The following CBLB variants were observed in gnomAD, a reference collection of about 807,000 sequenced individuals.
CBLB encodes Cbl proto-oncogene B, also known as E3 ubiquitin-protein ligase CBL-B.
CBLB carries 31 observed loss-of-function variants against 104.9 expected under a neutral mutation model. That is an observed-to-expected ratio of 0.30 (90% CI 0.22 to 0.40). CBLB has a LOEUF of 0.40. CBLB is among the 10% of genes least tolerant of loss of function. The pLI is 1.00. For synonymous variants in CBLB, 440 were observed against 422.6 expected (o/e 1.04, Z -0.51); for missense variants, 1,062 against 1,214.6 (o/e 0.87, Z 1.87).
At chr3:105,752,474 A>G (rs1691741805) in intron 4 of CBLB, among the ~76,000 whole-genome samples, 1 of 152,204 alleles carries the variant, frequency 6.6e-6, no homozygotes, top group Non-Finnish European at 1.5e-5. Context: ...CTAATTCGGC[A>G]GAAGAAAGAA....
chr3:105,820,341 A>T (rs1186792684), intron 3 of CBLB, among the ~76,000 whole-genome samples: 2 of 152,164 alleles, frequency 1.3e-5, no homozygotes, highest in Non-Finnish European at 2.9e-5. Flanking sequence ...AGTTCCTGAT[A>T]TCGGTATCGG....
intron 3 of CBLB, among the ~76,000 whole-genome samples, chr3:105,813,131 A>G (rs2084526435): frequency 6.6e-6 from 1 of 152,190 alleles, no homozygotes; most frequent in South Asian, 2.1e-4. Flanking sequence ...CAAAAGAAGG[A>G]AACAATGGCA....
intron 4 of CBLB, among the ~76,000 whole-genome samples, chr3:105,775,519 C>G (rs2079356036): frequency 6.6e-6 from 1 of 152,124 alleles, no homozygotes; most frequent in Non-Finnish European, 1.5e-5. Flanking sequence ...AAACAATAAT[C>G]TATGTAAGCA....
rs1287756928 is a variant in CBLB at position 105,775,591 on chromosome 3, A to ATG, written c.566+804_566+805insCA. Among the ~76,000 whole-genome samples, 5 of 152,318 alleles carry ATG rather than the reference A, an allele frequency of 3.3e-5. No individual in the cohort carries two copies. The East Asian group carries it at 9.6e-4, about 29-fold the overall frequency. Reference sequence around the variant, plus strand: ...GCCTACATTCTAGGACATTCTGAGGACGCGCTCTCATTAAAGGTAATTCTT... The same window carrying ATG: ...GCCTACATTCTAGGACATTCTGAGGATGCGCGCTCTCATTAAAGGTAATTCTT... On this transcript the variant is annotated intron_variant, in intron 4 of 18. Transcript: ENST00000394030.
Position 105,665,886 on chromosome 3 carries a change from G to A in CBLB, c.2689+4347C>T, listed in dbSNP as rs575783999. On this transcript the variant is annotated intron_variant, in intron 18 of 18. Transcript: ENST00000394030. Reference sequence around the variant, plus strand: ...TCTACTAAAAATGTAAAAATTAGCTGGGCATGGTGGTGGGCGCCTGTAGTC... The same window carrying A: ...TCTACTAAAAATGTAAAAATTAGCTAGGCATGGTGGTGGGCGCCTGTAGTC... Among the ~76,000 whole-genome samples, 8 of 151,598 alleles carry A rather than the reference G, an allele frequency of 5.3e-5. No individual in the cohort carries two copies. In the South Asian group the frequency reaches 1.7e-3, roughly 32 times the overall value.
At chr3:105,748,542 G>A (rs901597676) in intron 5 of CBLB, among the ~76,000 whole-genome samples, 2 of 152,142 alleles carry the variant, frequency 1.3e-5, no homozygotes, top group Admixed American at 1.3e-4. Flanking sequence ...CAGCCCCAGG[G>A]AGAAGGAAGG....
chr3:105,865,843 A>C (rs1458071336), intron 2 of CBLB, among the ~76,000 whole-genome samples: 3 of 152,194 alleles, frequency 2.0e-5, no homozygotes, highest in Non-Finnish European at 4.4e-5. Flanking sequence ...GTAGCAGATA[A>C]GTTAGAGAAA....
Position 105,727,513 on chromosome 3 carries a change from C to T in CBLB, c.1203+6496G>A, listed in dbSNP as rs187780976. ...TCTGTAGGTTGTCTGTTCACTCTGACGACAGTTTCTTTTGCTGTACAGAAG... is the reference window on the plus strand; with the variant it reads ...TCTGTAGGTTGTCTGTTCACTCTGATGACAGTTTCTTTTGCTGTACAGAAG... On this transcript the variant is annotated intron_variant, in intron 9 of 18. Transcript: ENST00000394030. Among the ~76,000 whole-genome samples the T allele has an allele frequency of 2.3e-3, 344 of 152,116 alleles. 2 individuals are homozygous for T. The highest frequency in any genetic ancestry group is 2.8e-3 in the African/African-American group (116 of 41,536).
At position 105,662,802 on chromosome 3, in the gene CBLB, T is replaced by A. The variant is rs542657652; in HGVS notation, c.2690-3573A>T. ...AAAGAAAGATTTGAGAAGCCCTGGTTTAGGAGTAAATTTTGATTCAGCTTT... is the reference window on the plus strand; with the variant it reads ...AAAGAAAGATTTGAGAAGCCCTGGTATAGGAGTAAATTTTGATTCAGCTTT... On this transcript the variant is annotated intron_variant, in intron 18 of 18. Transcript: ENST00000394030. Among the ~76,000 whole-genome samples the A allele has an allele frequency of 6.6e-5, 10 of 152,328 alleles. No homozygotes were observed. The South Asian group carries it at 1.7e-3, about 25-fold the overall frequency.
chr3:105,784,980 G>T (rs565198144), intron 3 of CBLB, among the ~76,000 whole-genome samples: 2 of 152,088 alleles, frequency 1.3e-5, no homozygotes, highest in Non-Finnish European at 2.9e-5. Context: ...CCAGCTTTAC[G>T]TCAAAATACC....
chr3:105,755,162 A>G (rs187696946), intron 4 of CBLB, among the ~76,000 whole-genome samples: 23 of 152,078 alleles, frequency 1.5e-4, no homozygotes, highest in South Asian at 4.2e-4. Context: ...ATATCTCCCA[A>G]TGCTATCTCT....
intron 9 of CBLB, among the ~76,000 whole-genome samples, chr3:105,722,758 T>C (rs953084334): frequency 6.6e-6 from 1 of 152,174 alleles, no homozygotes; most frequent in Non-Finnish European, 1.5e-5. Context: ...TCACAAGAGA[T>C]AACTGAAAAT....
At position 105,657,137 on chromosome 3, in the gene CBLB, C is replaced by A. The variant is rs950142176; in HGVS notation, c.*1833G>T. 1 of 224,866 alleles carries A rather than the reference C, an allele frequency of 4.4e-6. No homozygotes were observed. Among genetic ancestry groups the A allele is most frequent in the African/African-American group, 2.2e-5 (1 of 44,878 alleles). The allele number at this position is 224,866 out of a possible 1,614,324, so 13.9% of individuals were successfully genotyped here. On this transcript the variant is annotated 3_prime_UTR_variant, in exon 19 of 19. Transcript: ENST00000394030. The stretch of plus-strand genomic sequence containing the variant: ...CTCATCTCATACCATGAAAGCCAGA[C>A]TGTCAAAAAAAGGGCACATGTCACT...
At chr3:105,809,090 A>C (rs1215426266) in intron 3 of CBLB, among the ~76,000 whole-genome samples, 1 of 152,204 alleles carries the variant, frequency 6.6e-6, no homozygotes, top group Non-Finnish European at 1.5e-5. Flanking sequence ...CAGTGAATGT[A>C]TAGAAAGATA....
chr3:105,796,069 T>G (rs981020502), intron 3 of CBLB, among the ~76,000 whole-genome samples: 1 of 152,158 alleles, frequency 6.6e-6, no homozygotes, highest in Non-Finnish European at 1.5e-5. Flanking sequence ...AATGACATTC[T>G]TCACAGAATT....
chr3:105,761,447 C>T (rs7644634), intron 4 of CBLB, among the ~76,000 whole-genome samples: 59,012 of 151,996 alleles, frequency 0.39, 11,658 homozygotes, highest in East Asian at 0.64. Flanking sequence ...TGGGAGATAA[C>T]TGAATCATGG....
chr3:105,693,763 A>G (rs1036131383), intron 12 of CBLB, among the ~76,000 whole-genome samples, 175 bp from the exon 13 acceptor site: 1 of 152,076 alleles, frequency 6.6e-6, no homozygotes, highest in African/African-American at 2.4e-5. Flanking sequence ...ACCACTGCCC[A>G]AAGGGGTTCA....
intron 10 of CBLB, among the ~76,000 whole-genome samples, chr3:105,710,061 C>CA (rs1262867777): frequency 6.6e-6 from 1 of 151,846 alleles, no homozygotes; most frequent in African/African-American, 2.4e-5. Context: ...TTTTGGTCCC[C>CA]ATATCCACTA....
At position 105,754,511 on chromosome 3, in the gene CBLB, G is replaced by C. The variant is rs904123700; in HGVS notation, c.567-2893C>G. ...AAAAGGGAAGAGAGAGAGAGAGAGA[G>C]AGAGAGAGAGACAGAGAGAGAGAGA... On this transcript the variant is annotated intron_variant, in intron 4 of 18. Coordinates refer to ENST00000394030, the MANE Select transcript of CBLB (RefSeq NM_170662.5). Among the ~76,000 whole-genome samples the C allele has an allele frequency of 9.4e-4, 93 of 98,848 alleles. No homozygotes were observed. The East Asian group carries it at 0.017, about 18-fold the overall frequency. 64.8% of individuals were successfully genotyped at this position (98,848 alleles called of 152,430 possible).
Sources: gnomAD v4.1 joint callset for allele counts (sites outside exome capture counted in the v4.1 genomes callset) on GRCh38, gnomAD v4.1.1 for gene constraint, MANE v1.5 for transcripts, NCBI Gene and HGNC (gene_info 2026-07-23, HGNC 2026-07-21) for gene names.